The following RELL1 variants were observed in gnomAD, a reference collection of about 807,000 sequenced individuals.
RELL1 encodes the protein RELT-like protein 1.
In RELL1, 10 loss-of-function variants were observed where a neutral mutation model predicts 23.0. The observed-to-expected ratio is 0.43, with a 90% confidence interval of 0.27 to 0.74. RELL1 has a LOEUF of 0.74. Ranked by LOEUF, RELL1 falls within the 30% of genes least tolerant of loss-of-function variation. The pLI is 0.19. For missense variants in RELL1, 315 were observed against 364.4 expected (o/e 0.86, Z 1.10); for synonymous variants, 146 against 146.8 (o/e 0.99, Z 0.04).
chr4:37,670,091 T>C (rs1284384386), intron 1 of RELL1, among the ~76,000 whole-genome samples: 1 of 151,040 alleles, frequency 6.6e-6, no homozygotes, highest in Non-Finnish European at 1.5e-5. Flanking sequence ...AAGGAACCTG[T>C]TAAAAAAAAT....
At chr4:37,683,795 A>C (rs1722299887) in intron 1 of RELL1, among the ~76,000 whole-genome samples, 1 of 150,556 alleles carries the variant, frequency 6.6e-6, no homozygotes, top group African/African-American at 2.5e-5. Flanking sequence ...AACAAATAAA[A>C]ATGCGGCCGG....
rs1375046830 is a variant in RELL1 at position 37,644,317 on chromosome 4, C to T, written c.385+3051G>A. On this transcript the variant is annotated intron_variant, in intron 3 of 6. Transcript: ENST00000454158. The stretch of plus-strand genomic sequence containing the variant: ...TTAAGAGAAGTGCTTACTGCCAGCA[C>T]CGTCCTGCCATACCTGCTTGTGTGA... Among the ~76,000 whole-genome samples the T allele has an allele frequency of 2.2e-4, 34 of 151,996 alleles. 1 individual carries two copies. The highest frequency in any genetic ancestry group is 2.2e-3 in the Admixed American group (34 of 15,252).
At chr4:37,589,781 A>G (rs1190714379), downstream of RELL1, among the ~76,000 whole-genome samples, 2 of 152,038 alleles carry the variant, frequency 1.3e-5, no homozygotes, top group Non-Finnish European at 2.9e-5. Flanking sequence ...ACAGGTGCCT[A>G]CCACCTCACC....
intron 1 of RELL1, among the ~76,000 whole-genome samples, chr4:37,668,561 C>T (rs1468500142): frequency 2.0e-5 from 3 of 151,880 alleles, no homozygotes; most frequent in Admixed American, 6.5e-5. Flanking sequence ...GATCTCGGCT[C>T]GCTACAACAT....
intron 1 of RELL1, among the ~76,000 whole-genome samples, chr4:37,685,551 G>A (rs759654262): frequency 2.6e-5 from 4 of 152,102 alleles, no homozygotes; most frequent in Non-Finnish European, 4.4e-5. Context: ...ACCACACAAG[G>A]TTCCTTTCGT....
downstream of RELL1, among the ~76,000 whole-genome samples, chr4:37,609,814 A>T (rs939920308): frequency 2.0e-5 from 3 of 152,232 alleles, no homozygotes; most frequent in Admixed American, 6.5e-5. Context: ...ATCTCATGAT[A>T]AAACTTGAAT....
intron 6 of RELL1, among the ~76,000 whole-genome samples, chr4:37,614,233 T>C (rs1274350998): frequency 1.3e-5 from 2 of 152,214 alleles, no homozygotes; most frequent in Non-Finnish European, 2.9e-5. Flanking sequence ...TGTTATCCTC[T>C]TCTGTCATTT....
chr4:37,683,316 TAC>T (rs1455908713), intron 1 of RELL1, among the ~76,000 whole-genome samples: 2 of 152,174 alleles, frequency 1.3e-5, no homozygotes, highest in Admixed American at 6.5e-5. Context: ...GGTACACACA[TAC>T]ACAGACACCT....
In RELL1 at chr4:37,591,195, T is replaced by C. The variant is rs1718593477; in HGVS notation, c.*26A>G. ...CACATATCTGGAGTTTCACTCTGTGTAGATGAGCTGTCATTCAGGACACTA... is the reference window on the plus strand; with the variant it reads ...CACATATCTGGAGTTTCACTCTGTGCAGATGAGCTGTCATTCAGGACACTA... On this transcript the variant is annotated 3_prime_UTR_variant, in exon 7 of 7. Coordinates refer to the RELL1 transcript ENST00000314117. 1.5e-5 allele frequency: 8 copies of C among 529,238 alleles called. No homozygotes were observed. The South Asian group carries it at 2.3e-4, about 15-fold the overall frequency. The allele number at this position is 529,238 out of a possible 1,614,324, so 32.8% of individuals were successfully genotyped here. A position where few individuals can be genotyped will look rare whatever the true frequency, so the allele number is the denominator to read the frequency against.
chr4:37,656,411 C>T (rs985687433), intron 1 of RELL1, among the ~76,000 whole-genome samples: 8 of 152,172 alleles, frequency 5.3e-5, no homozygotes, highest in Middle Eastern at 3.4e-3. Flanking sequence ...TTCAGTTACA[C>T]GAGATTAATA....
chr4:37,620,999 T>C lies in RELL1; in HGVS notation c.*4-7657A>G, dbSNP rs1462599130. Among the ~76,000 whole-genome samples the C allele has an allele frequency of 2.0e-5, 3 of 152,178 alleles. No homozygotes were observed. The East Asian group carries it at 5.8e-4, about 29-fold the overall frequency. The stretch of plus-strand genomic sequence containing the variant: ...GCTAAGTAATTTGCCCAAAGCTAGA[T>C]AGCTAAAAAGTGACAGCCAAGATCT... On this transcript the variant is annotated intron_variant, in intron 6 of 6. Coordinates refer to ENST00000454158, the MANE Select transcript of RELL1 (RefSeq NM_001085400.2).
At chr4:37,665,129 C>T (rs1721487751) in intron 1 of RELL1, 2 of 397,960 alleles carry the variant, frequency 5.0e-6, no homozygotes, top group African/African-American at 2.1e-5. Context: ...AATCAAGTCC[C>T]CAAGTTCACA....
downstream of RELL1, among the ~76,000 whole-genome samples, chr4:37,605,686 G>A (rs1395525778): frequency 2.0e-5 from 3 of 151,390 alleles, no homozygotes; most frequent in African/African-American, 4.9e-5. Context: ...ACGTTGCAGC[G>A]AGTCGAGATT....
chr4:37,589,139 G>A (rs1205345917), downstream of RELL1, among the ~76,000 whole-genome samples: 1 of 152,160 alleles, frequency 6.6e-6, no homozygotes, highest in Admixed American at 6.6e-5. Context: ...TTCTGAGGCT[G>A]AATTTGGTCT....
Position 37,621,851 on chromosome 4 carries a change from A to C in RELL1, c.*4-8509T>G, listed in dbSNP as rs28396709. Among the ~76,000 whole-genome samples, 1,121 of 152,314 alleles carry C rather than the reference A, an allele frequency of 7.4e-3. 13 individuals are homozygous for C. The highest frequency in any genetic ancestry group is 0.025 in the African/African-American group (1,049 of 41,576). On this transcript the variant is annotated intron_variant, in intron 6 of 6. Coordinates refer to ENST00000454158, the MANE Select transcript of RELL1 (RefSeq NM_001085400.2). ...CAAAACAAATCAAAAATTCCTGGTC[A>C]CCCATGTTGTCTAAACTCTGGGAAT...
At chr4:37,649,833 C>T (rs984472670) in intron 1 of RELL1, among the ~76,000 whole-genome samples, 1 of 152,234 alleles carries the variant, frequency 6.6e-6, no homozygotes, top group African/African-American at 2.4e-5. Flanking sequence ...TGTAACATTA[C>T]AAACACAGAA....
At chr4:37,669,481 A>T (rs1057339997) in intron 1 of RELL1, among the ~76,000 whole-genome samples, 6 of 149,502 alleles carry the variant, frequency 4.0e-5, no homozygotes, top group Non-Finnish European at 7.4e-5. Context: ...GGCCACCCCT[A>T]CTGGGAAGTG....
intron 1 of RELL1, among the ~76,000 whole-genome samples, chr4:37,666,227 A>G (rs1371761479): frequency 6.6e-6 from 1 of 152,244 alleles, no homozygotes; most frequent in Non-Finnish European, 1.5e-5. Flanking sequence ...CAAAGTATTG[A>G]AGCTGAAGTC....
intron 1 of RELL1, among the ~76,000 whole-genome samples, chr4:37,677,241 C>G (rs1288818592): frequency 6.6e-6 from 1 of 152,228 alleles, no homozygotes; most frequent in Admixed American, 6.5e-5. Flanking sequence ...CCATAGGCAG[C>G]AAGGCTGGAT....
Sources: allele counts gnomAD v4.1 joint callset (sites outside exome capture counted in the v4.1 genomes callset), GRCh38; gene constraint gnomAD v4.1.1; transcripts MANE v1.5; gene names NCBI Gene and HGNC (gene_info 2026-07-23, HGNC 2026-07-21).